Variants in CTNNA3 observed in about 807,000 individuals in gnomAD.
The protein encoded by CTNNA3 is catenin alpha 3, also known as catenin alpha-3.
Under a neutral mutation model 95.7 loss-of-function variants are expected in CTNNA3, and 76 were observed. That is an observed-to-expected ratio of 0.79 (90% confidence interval 0.66 to 0.96). The LOEUF (loss-of-function observed/expected upper bound fraction) is 0.96, where lower values mean the gene tolerates loss of function less well. Among genes scored for constraint, CTNNA3 ranks in the 40% least tolerant of loss-of-function variants. The pLI is 0.00. For synonymous variants in CTNNA3, 431 were observed against 374.4 expected, an observed-to-expected ratio of 1.15 and a Z score of -1.74; for missense variants, 1,191 against 1,089.8, an observed-to-expected ratio of 1.09 and a Z score of -1.31.
chr10:66,329,247 G>T (rs747687182), intron 12 of CTNNA3, among the ~76,000 whole-genome samples: 32 of 151,776 alleles, frequency 2.1e-4, no homozygotes, highest in Non-Finnish European at 4.0e-4. Flanking sequence ...ACGGCGCCCA[G>T]CCAAAGAGGG....
At chr10:67,218,950 G>A (rs1864518381) in intron 6 of CTNNA3, among the ~76,000 whole-genome samples, 1 of 152,102 alleles carries the variant, frequency 6.6e-6, no homozygotes, top group African/African-American at 2.4e-5. Flanking sequence ...AAAAGCCAAA[G>A]TCCTTAAAGG....
chr10:67,617,975 TACAA>T (rs753322487), intron 2 of CTNNA3, among the ~76,000 whole-genome samples: 1 of 152,038 alleles, frequency 6.6e-6, no homozygotes, highest in South Asian at 2.1e-4. Flanking sequence ...TCTCCTTTTC[TACAA>T]ATAAATATTT....
intron 9 of CTNNA3, among the ~76,000 whole-genome samples, chr10:66,732,428 TAAC>T (rs1848990986): frequency 1.3e-5 from 2 of 152,304 alleles, no homozygotes; most frequent in South Asian, 4.1e-4. Flanking sequence ...ACACTGGTAA[TAAC>T]GACATTCTCG....
intron 13 of CTNNA3, among the ~76,000 whole-genome samples, chr10:66,270,230 G>T (rs1038468961): frequency 3.3e-5 from 5 of 151,276 alleles, no homozygotes; most frequent in Non-Finnish European, 7.4e-5. Context: ...TTTTTGGGGG[G>T]GGGGGCAGGG....
intron 7 of CTNNA3, among the ~76,000 whole-genome samples, chr10:67,019,481 G>T (rs1377983733): frequency 6.6e-6 from 1 of 152,170 alleles, no homozygotes; most frequent in Admixed American, 6.5e-5. Flanking sequence ...GCCTCCCAAA[G>T]TGCTAGGATT....
chr10:66,081,931 G>A (rs1288497274), intron 14 of CTNNA3, among the ~76,000 whole-genome samples: 2 of 151,872 alleles, frequency 1.3e-5, no homozygotes, highest in Admixed American at 6.6e-5. Context: ...AGCCTGACCA[G>A]CATGGTGAAA....
intron 5 of CTNNA3, among the ~76,000 whole-genome samples, chr10:67,325,767 T>C (rs1201677013): frequency 6.6e-6 from 1 of 152,112 alleles, no homozygotes; most frequent in Non-Finnish European, 1.5e-5. Flanking sequence ...CAGAGCTGAG[T>C]TCAGGTCCTG....
At chr10:66,790,928 T>C (rs931946095) in intron 7 of CTNNA3, among the ~76,000 whole-genome samples, 8 of 152,116 alleles carry the variant, frequency 5.3e-5, no homozygotes, top group Admixed American at 3.9e-4. Flanking sequence ...TCAAAACCTC[T>C]TATTTACTTC....
intron 10 of CTNNA3, among the ~76,000 whole-genome samples, chr10:66,541,674 A>G (rs1841856481): frequency 6.6e-6 from 1 of 152,126 alleles, no homozygotes; most frequent in African/African-American, 2.4e-5. Context: ...ACATTCTACA[A>G]AGTCAAAATT....
At chr10:67,378,576 G>A (rs1843787918) in intron 5 of CTNNA3, among the ~76,000 whole-genome samples, 1 of 152,058 alleles carries the variant, frequency 6.6e-6, no homozygotes, top group Non-Finnish European at 1.5e-5. Context: ...GAGAAAGACA[G>A]TCTCCATCTT....
At chr10:66,363,170 A>T (rs962070339) in intron 12 of CTNNA3, among the ~76,000 whole-genome samples, 2 of 152,198 alleles carry the variant, frequency 1.3e-5, no homozygotes, top group Non-Finnish European at 2.9e-5. Flanking sequence ...TTATCATTTG[A>T]ATTGTTAAAA....
At position 67,360,541 on chromosome 10, in the gene CTNNA3, G is replaced by A. The variant is rs184370458; in HGVS notation, c.580-140671C>T. Among the ~76,000 whole-genome samples, 36 of 152,084 alleles carry A rather than the reference G, an allele frequency of 2.4e-4. 1 individual carries two copies. The highest frequency in any genetic ancestry group is 4.4e-4 in the Non-Finnish European group (30 of 67,984). ...CTATGTATTAGTCAGTTTTCACATT[G>A]CTATAAAGAATACCTGAGACTGGGT... On this transcript the variant is annotated intron_variant, in intron 5 of 17. Coordinates refer to ENST00000433211, the MANE Select transcript of CTNNA3 (RefSeq NM_013266.4).
chr10:66,328,345 A>G (rs1216949227), intron 12 of CTNNA3, among the ~76,000 whole-genome samples: 1 of 152,102 alleles, frequency 6.6e-6, no homozygotes, highest in South Asian at 2.1e-4. Flanking sequence ...CTAGGGATAC[A>G]TCATATTTAA....
chr10:66,536,439 G>A (rs901175399), intron 10 of CTNNA3, among the ~76,000 whole-genome samples: 6 of 142,204 alleles, frequency 4.2e-5, no homozygotes, highest in Admixed American at 2.2e-4. Flanking sequence ...CCGAGATCAC[G>A]CCACTGCACT....
At chr10:66,115,478 T>A (rs890183680) in intron 13 of CTNNA3, among the ~76,000 whole-genome samples, 3 of 151,852 alleles carry the variant, frequency 2.0e-5, no homozygotes, top group African/African-American at 7.3e-5. Context: ...GGGAAAGAGA[T>A]GTTGTGGTTT....
chr10:67,581,523 TG>T (rs1589451197), intron 3 of CTNNA3, among the ~76,000 whole-genome samples: 1 of 152,286 alleles, frequency 6.6e-6, no homozygotes, highest in East Asian at 1.9e-4. Context: ...AAATTCTCTT[TG>T]TTTGTTGTGT....
chr10:66,407,826 G>T (rs997644530), intron 11 of CTNNA3, among the ~76,000 whole-genome samples: 1 of 152,054 alleles, frequency 6.6e-6, no homozygotes, highest in Non-Finnish European at 1.5e-5. Flanking sequence ...CGATCCACCC[G>T]CCCTGGCCTC....
chr10:67,571,663 C>T (rs1841982921), intron 3 of CTNNA3, among the ~76,000 whole-genome samples: 1 of 152,052 alleles, frequency 6.6e-6, no homozygotes, highest in South Asian at 2.1e-4. Context: ...GGTTCTTGTG[C>T]AACTGATTTA....
chr10:66,395,034 A>G (rs916449981), intron 11 of CTNNA3, among the ~76,000 whole-genome samples: 2 of 152,040 alleles, frequency 1.3e-5, no homozygotes, highest in Admixed American at 1.3e-4. Context: ...CCTCAGAATA[A>G]TAAGTATATA....
Sources: allele counts gnomAD v4.1 joint callset (sites outside exome capture counted in the v4.1 genomes callset), GRCh38; gene constraint gnomAD v4.1.1; transcripts MANE v1.5; gene names NCBI Gene and HGNC (gene_info 2026-07-23, HGNC 2026-07-21).